YLPM1: variants seen among roughly 807,000 people sequenced by gnomAD.
YLPM1 encodes the protein YLP motif-containing protein 1.
In YLPM1, 99 loss-of-function variants were observed where a neutral mutation model predicts 230.0. The observed-to-expected ratio is 0.43, with a 90% CI of 0.37 to 0.51. The LOEUF is 0.51. Among genes scored for constraint, YLPM1 ranks in the 20% least tolerant of loss-of-function variants. The pLI, the probability that YLPM1 is intolerant of heterozygous loss-of-function variation, is 0.00. For synonymous variants in YLPM1, 984 were observed against 942.5 expected (o/e 1.04, Z -0.81); for missense variants, 2,592 against 2,707.7 (o/e 0.96, Z 0.95).
chr14:74,764,022 C>T lies in YLPM1; in HGVS notation c.533C>T (p.Thr178Ile). The T allele has an allele frequency of 6.2e-7, 1 of 1,608,906 alleles. No individual in the cohort carries two copies. The highest frequency in any genetic ancestry group is 1.4e-5 in the African/African-American group (1 of 73,878). The part of the protein sequence containing the change: ...PQPPPSYYPP[T>I]SSQPYLPPAQ... ...CCGCCACCCTCTTACTACCCCCCGA[C>T]CTCATCTCAGCCCTACCTGCCTCCT... Residue 178 changes from threonine (T) to isoleucine (I), a missense_variant, in exon 1 of 21, where the codon ACC (threonine) becomes ATC (isoleucine). Around this residue, in one of 4 missense-constraint regions of YLPM1, gnomAD observed 1,862 missense variants for 1,819.8 expected, o/e 1.02. Transcript: ENST00000325680.
intron 6 of YLPM1, among the ~76,000 whole-genome samples, chr14:74,805,405 A>G (rs2091367760): frequency 1.3e-5 from 2 of 151,800 alleles, no homozygotes; most frequent in South Asian, 2.1e-4. Flanking sequence ...ATACAGTGGT[A>G]CAATCATAGC....
chr14:74,785,294 T>C (rs1349454259), intron 4 of YLPM1, among the ~76,000 whole-genome samples: 1 of 152,226 alleles, frequency 6.6e-6, no homozygotes, highest in Non-Finnish European at 1.5e-5. Flanking sequence ...GTATGTGATA[T>C]CCCTCTTCAG....
At chr14:74,774,703 G>A (rs533102433) in intron 1 of YLPM1, among the ~76,000 whole-genome samples, 1 of 151,898 alleles carries the variant, frequency 6.6e-6, no homozygotes, top group South Asian at 2.1e-4. Flanking sequence ...ACTGCGCTCC[G>A]CCTTTTTTTT....
rs551094151 is a variant in YLPM1, at chr14:74,811,715, A to G, written c.5324A>G (p.Tyr1775Cys). Residue 1775 changes from tyrosine (Y) to cysteine (C), a missense_variant, in exon 10 of 21, where the codon TAT (tyrosine) becomes TGT (cysteine). Tyr to Cys is a radical substitution (Grantham distance 194). Transcript: ENST00000325680. ...GACCGGAAGTCTGACCGACCAGTCT[A>G]TGAAGGACCATCCATGTTTGGAGGT... is the stretch of plus-strand genomic sequence containing the variant. The part of the protein sequence containing the change: ...SYDRKSDRPV[Y>C]EGPSMFGGER... The G allele has an allele frequency of 8.7e-6, 14 of 1,603,138 alleles. No homozygotes were observed. Among genetic ancestry groups the G allele is most frequent in the African/African-American group, 4.0e-5 (3 of 74,234 alleles).
In YLPM1 at chr14:74,769,855, CCCCCCCCG is replaced by C. The variant is rs1414800047; in HGVS notation, c.873+5500_873+5507del. Reference sequence around the variant, plus strand: ...GCCTGGGCAACAAAGTGAGACACCCCCCCCCCCGCCCCCCGCCCACAAAAAGTTTAAAA... The same window carrying C: ...GCCTGGGCAACAAAGTGAGACACCCCCCCCCCGCCCACAAAAAGTTTAAAA... On this transcript the variant is annotated intron_variant, in intron 1 of 20. Transcript: ENST00000325680. Among the ~76,000 whole-genome samples the C allele has an allele frequency of 1.0e-3, 96 of 95,612 alleles. No individual in the cohort carries two copies. In the South Asian group the frequency reaches 0.012, roughly 12 times the overall value. 62.7% of individuals were successfully genotyped at this position (95,612 alleles called of 152,430 possible). A position where few individuals can be genotyped will look rare whatever the true frequency, so the allele number is the denominator to read the frequency against.
At chr14:74,830,215 G>C (rs998640948) in intron 19 of YLPM1, among the ~76,000 whole-genome samples, 1 of 152,176 alleles carries the variant, frequency 6.6e-6, no homozygotes, top group East Asian at 1.9e-4. Flanking sequence ...GCAGAAACCA[G>C]TTTGGAGCAG....
intron 6 of YLPM1, among the ~76,000 whole-genome samples, chr14:74,806,757 T>C (rs978865596): frequency 6.6e-6 from 1 of 151,942 alleles, no homozygotes. Context: ...ACTTTCCTCT[T>C]ACAGAAATTC....
intron 1 of YLPM1, among the ~76,000 whole-genome samples, chr14:74,777,242 G>A (rs1301698686): frequency 6.6e-6 from 1 of 151,790 alleles, no homozygotes; most frequent in African/African-American, 2.4e-5. Context: ...TAAAGCTAAG[G>A]CTTTTAAAAT....
intron 1 of YLPM1, among the ~76,000 whole-genome samples, chr14:74,769,336 G>A (rs1174607075): frequency 7.9e-6 from 1 of 127,386 alleles, no homozygotes; most frequent in Non-Finnish European, 1.6e-5. Flanking sequence ...GCAATGGCAC[G>A]ATCTCGGCTC....
At chr14:74,770,985 T>G (rs2090971971) in intron 1 of YLPM1, among the ~76,000 whole-genome samples, 1 of 152,160 alleles carries the variant, frequency 6.6e-6, no homozygotes, top group Non-Finnish European at 1.5e-5. Flanking sequence ...GGAGAAATAT[T>G]TAGCTGCTAG....
rs1050647003 is a variant in YLPM1 at position 74,836,278 on chromosome 14, A to C, written c.*540A>C. The C allele has an allele frequency of 6.5e-6, 1 of 153,372 alleles. No homozygotes were observed. The highest frequency in any genetic ancestry group is 2.4e-5 in the African/African-American group (1 of 41,438). 9.5% of individuals were successfully genotyped at this position (153,372 alleles called of 1,614,324 possible). On this transcript the variant is annotated 3_prime_UTR_variant, in exon 21 of 21. Transcript: ENST00000325680. ...TAATTAAATGCTAGCTGAACATCCCAAAACCTTTTTTTCATTGAATATTAT... is the reference window on the plus strand; with the variant it reads ...TAATTAAATGCTAGCTGAACATCCCCAAACCTTTTTTTCATTGAATATTAT...
rs180873409 is a variant in YLPM1, at chr14:74,820,556, T to G, written c.6031-501T>G. ...AGCCACTGTGCCCAGGCCTGACTCTTTACTCTGCCCTTGTGACCTGTCATG... is the reference window on the plus strand; with the variant it reads ...AGCCACTGTGCCCAGGCCTGACTCTGTACTCTGCCCTTGTGACCTGTCATG... On this transcript the variant is annotated intron_variant, in intron 16 of 20. Transcript: ENST00000325680. 6.7e-4 allele frequency among the ~76,000 whole-genome samples: 102 copies of G among 152,296 alleles called. 1 individual carries two copies. Among genetic ancestry groups the G allele is most frequent in the African/African-American group, 2.4e-3 (100 of 41,568 alleles).
Position 74,810,389 on chromosome 14 carries a change from T to C in YLPM1, c.5197T>C (p.Phe1733Leu). Residue 1733 changes from phenylalanine (F) to leucine (L), a missense_variant, in exon 9 of 21, where the codon TTT (phenylalanine) becomes CTT (leucine). Phe to Leu is a conservative substitution (Grantham distance 22). Coordinates refer to ENST00000325680, the MANE Select transcript of YLPM1 (RefSeq NM_019589.3). ...TGTTATTGACTATGACCGGGATCGA[T>C]TTGACAGAGAACGCCGACCCCGAGA... Reference protein sequence around the residue: ...RGVIDYDRDRFDRERRPRDDR... With the variant: ...RGVIDYDRDRLDRERRPRDDR... 1 of 1,613,680 alleles carries C rather than the reference T, an allele frequency of 6.2e-7. No homozygotes were observed. Among genetic ancestry groups the C allele is most frequent in the South Asian group, 1.1e-5 (1 of 91,048 alleles).
At position 74,785,912 on chromosome 14, in the gene YLPM1, C is replaced by G. The variant is rs141733483; in HGVS notation, c.2282+3587C>G. Among the ~76,000 whole-genome samples the G allele has an allele frequency of 1.2e-3, 182 of 152,282 alleles. 1 individual carries two copies. Among genetic ancestry groups the G allele is most frequent in the African/African-American group, 4.3e-3 (180 of 41,540 alleles). On this transcript the variant is annotated intron_variant, in intron 4 of 20. Transcript: ENST00000325680. ...CACTGTGTATATCATTGGATTCACT[C>G]AGTCTTCCAGAAGACTACCGTTGGT...
At chr14:74,764,680 C>G (rs967581019) in intron 1 of YLPM1, among the ~76,000 whole-genome samples, 3 of 152,206 alleles carry the variant, frequency 2.0e-5, no homozygotes, top group African/African-American at 7.2e-5. Context: ...GATTTTGTTG[C>G]AGAGGGTCTT....
At position 74,781,760 on chromosome 14, in the gene YLPM1, G is replaced by C; in HGVS notation, c.1717G>C (p.Val573Leu). The C allele has an allele frequency of 6.2e-7, 1 of 1,602,508 alleles. No homozygotes were observed. The highest frequency in any genetic ancestry group is 1.1e-5 in the South Asian group (1 of 90,680). ...PVMPPSLPTS[V>L]PPPGMPPSLS... ...TATGCCACCTTCTCTACCAACCTCT[G>C]TTCCCCCACCAGGGATGCCTCCTTC... The change falls in exon 4 of 21, where the codon GTT becomes CTT. Residue 573 changes from valine to leucine, a missense_variant. Coordinates refer to ENST00000325680, the MANE Select transcript of YLPM1 (RefSeq NM_019589.3).
intron 4 of YLPM1, among the ~76,000 whole-genome samples, chr14:74,790,812 C>T (rs1310732572): frequency 2.6e-5 from 4 of 152,040 alleles, no homozygotes; most frequent in Non-Finnish European, 5.9e-5. Context: ...TTAAAGGTGG[C>T]TTATTTTCAT....
rs758800453 is a variant in YLPM1, at chr14:74,798,798, T to C, written c.3501T>C (p.Gly1167=). The change falls in exon 5 of 21, where the codon GGT becomes GGC. Residue 1167 remains glycine, a synonymous_variant. Coordinates refer to ENST00000325680, the MANE Select transcript of YLPM1 (RefSeq NM_019589.3). ...GATCAGATTTTGGTCGTGATAGAGG[T>C]CCATTCAGACCAGAACCAGGAGATG... is the stretch of plus-strand genomic sequence containing the variant. ...LGRSDFGRDR[G]PFRPEPGDGG... 2.5e-6 allele frequency: 4 copies of C among 1,613,220 alleles called. No individual in the cohort carries two copies. In the South Asian group the frequency reaches 4.4e-5, roughly 18 times the overall value.
intron 20 of YLPM1, 142 bp from the exon 21 acceptor site, chr14:74,835,633 C>G (rs2140150485): frequency 1.9e-6 from 1 of 539,966 alleles, no homozygotes; most frequent in South Asian, 2.2e-5. Flanking sequence ...TTTCTGCAAG[C>G]TGGCTCACTT....
Sources: gnomAD v4.1 joint callset for allele counts (sites outside exome capture counted in the v4.1 genomes callset) on GRCh38, gnomAD v4.1.1 for gene constraint, gnomAD v4.1.1 regional missense constraint, MANE v1.5 for transcripts, NCBI Gene and HGNC (gene_info 2026-07-23, HGNC 2026-07-21) for gene names.